Variants in B3GALT1 observed in about 807,000 individuals in gnomAD.
B3GALT1 encodes beta-1,3-galactosyltransferase 1, also known as UDP-Gal:betaGlcNAc beta 1,3-galactosyltransferase, polypeptide 1.
In B3GALT1, 10 loss-of-function variants were observed where a neutral mutation model predicts 23.2. That is an observed-to-expected ratio of 0.43 (90% CI 0.27 to 0.73). B3GALT1 has a LOEUF of 0.73. Among genes scored for constraint, B3GALT1 ranks in the 30% least tolerant of loss-of-function variants. The pLI is 0.21. For synonymous variants in B3GALT1, 156 were observed against 141.5 expected, an observed-to-expected ratio of 1.10 and a Z score of -0.73; for missense variants, 299 against 405.4, an observed-to-expected ratio of 0.74 and a Z score of 2.25.
At chr2:167,788,062 G>A (rs1688372109) in intron 3 of B3GALT1, among the ~76,000 whole-genome samples, 1 of 152,236 alleles carries the variant, frequency 6.6e-6, no homozygotes, top group South Asian at 2.1e-4. Flanking sequence ...CAGAGAGTAG[G>A]GTATACTGGA....
intron 1 of B3GALT1, among the ~76,000 whole-genome samples, chr2:167,313,762 CACA>C (rs1379184599): frequency 6.6e-6 from 1 of 152,150 alleles, no homozygotes; most frequent in Non-Finnish European, 1.5e-5. Context: ...CTGACAGATG[CACA>C]ACAAGCTAGT....
At chr2:167,625,349 A>G (rs946526312) in intron 2 of B3GALT1, among the ~76,000 whole-genome samples, 1 of 151,878 alleles carries the variant, frequency 6.6e-6, no homozygotes, top group Non-Finnish European at 1.5e-5. Flanking sequence ...CCAGTTCAGT[A>G]CTTTGATAAC....
At chr2:167,780,592 A>G (rs941976676) in intron 3 of B3GALT1, among the ~76,000 whole-genome samples, 8 of 152,144 alleles carry the variant, frequency 5.3e-5, no homozygotes, top group African/African-American at 1.9e-4. Flanking sequence ...TGCACACTTT[A>G]TTGGTAAAGC....
chr2:167,652,576 A>C (rs890790370), intron 3 of B3GALT1, among the ~76,000 whole-genome samples: 1 of 152,210 alleles, frequency 6.6e-6, no homozygotes, highest in Admixed American at 6.5e-5. Flanking sequence ...TTTTGTGGTT[A>C]AGAGTCTGGT....
chr2:167,513,741 G>A (rs1436557379), intron 2 of B3GALT1, among the ~76,000 whole-genome samples: 1 of 151,954 alleles, frequency 6.6e-6, no homozygotes, highest in Admixed American at 6.6e-5. Context: ...TTTTGTGTAT[G>A]TTGAAAACAC....
chr2:167,384,477 G>GA (rs1697890126), intron 1 of B3GALT1, among the ~76,000 whole-genome samples: 1 of 152,082 alleles, frequency 6.6e-6, no homozygotes, highest in Non-Finnish European at 1.5e-5. Context: ...ACCCCTTCCT[G>GA]ATCCCCATCC....
At chr2:167,563,277 G>T (rs1310516338) in intron 2 of B3GALT1, among the ~76,000 whole-genome samples, 1 of 145,468 alleles carries the variant, frequency 6.9e-6, no homozygotes, top group Non-Finnish European at 1.5e-5. Flanking sequence ...CCGGGCAGAG[G>T]GGCTCCTCAC....
intron 1 of B3GALT1, among the ~76,000 whole-genome samples, chr2:167,342,543 CTG>C (rs1697165788): frequency 6.6e-6 from 1 of 150,724 alleles, no homozygotes; most frequent in African/African-American, 2.4e-5. Context: ...TGAACTGAGA[CTG>C]TGCCACTGCA....
At chr2:167,794,398 T>C (rs1688504536) in intron 3 of B3GALT1, among the ~76,000 whole-genome samples, 1 of 152,236 alleles carries the variant, frequency 6.6e-6, no homozygotes, top group Non-Finnish European at 1.5e-5. Flanking sequence ...TTCTTTCTGT[T>C]GATTTACTGT....
chr2:167,409,870 G>T (rs769079230), intron 1 of B3GALT1, among the ~76,000 whole-genome samples: 1 of 151,878 alleles, frequency 6.6e-6, no homozygotes, highest in Non-Finnish European at 1.5e-5. Context: ...ACAGTGTGGC[G>T]ATTTCTCAAG....
intron 2 of B3GALT1, among the ~76,000 whole-genome samples, chr2:167,500,135 A>T (rs950516284): frequency 1.3e-5 from 2 of 152,120 alleles, no homozygotes; most frequent in Non-Finnish European, 2.9e-5. Context: ...CACAGGAACA[A>T]TTTCCTAGTC....
At chr2:167,303,682 C>CACACACACACACACACACACAGAGAGAG (rs535369991) in intron 1 of B3GALT1, among the ~76,000 whole-genome samples, 3 of 148,832 alleles carry the variant, frequency 2.0e-5, no homozygotes, top group African/African-American at 7.5e-5. Flanking sequence ...CACACACACA[C>CACACACACACACACACACACAGAGAGAG]AGAGAGAGAC....
intron 3 of B3GALT1, among the ~76,000 whole-genome samples, chr2:167,650,971 AT>A (rs1685852878): frequency 6.6e-6 from 1 of 152,126 alleles, no homozygotes; most frequent in Admixed American, 6.6e-5. Context: ...CTCCTTAATT[AT>A]GTGTTCCCCA....
chr2:167,380,369 A>G (rs1355023377), intron 1 of B3GALT1, among the ~76,000 whole-genome samples: 12 of 152,104 alleles, frequency 7.9e-5, no homozygotes, highest in Non-Finnish European at 1.8e-4. Flanking sequence ...GGCCCTCACT[A>G]AAAGTCTCAT....
chr2:167,345,140 GAATGATTGTCTCT>G (rs1697208660), intron 1 of B3GALT1, among the ~76,000 whole-genome samples: 1 of 152,144 alleles, frequency 6.6e-6, no homozygotes, highest in Non-Finnish European at 1.5e-5. Context: ...TTTGAATCAA[GAATGATTGTCTCT>G]GAGGAATGCA....
At chr2:167,476,430 G>A (rs1699487508) in intron 1 of B3GALT1, among the ~76,000 whole-genome samples, 1 of 152,134 alleles carries the variant, frequency 6.6e-6, no homozygotes, top group Non-Finnish European at 1.5e-5. Context: ...GCAGCCTCAA[G>A]TCACATTTCA....
At chr2:167,390,117 C>G (rs1697997490) in intron 1 of B3GALT1, among the ~76,000 whole-genome samples, 1 of 152,074 alleles carries the variant, frequency 6.6e-6, no homozygotes, top group Non-Finnish European at 1.5e-5. Context: ...GAACCCTTCA[C>G]TGCACTCTAT....
chr2:167,708,983 T>C (rs771569660), intron 3 of B3GALT1, among the ~76,000 whole-genome samples: 5 of 152,260 alleles, frequency 3.3e-5, no homozygotes, highest in Non-Finnish European at 5.9e-5. Flanking sequence ...AATATTTATG[T>C]AACTTTGATA....
intron 3 of B3GALT1, among the ~76,000 whole-genome samples, chr2:167,647,948 A>G (rs952297766): frequency 3.3e-5 from 5 of 152,110 alleles, no homozygotes; most frequent in African/African-American, 1.2e-4. Flanking sequence ...TCGCTCTTTA[A>G]GTTATTCTAA....
Sources: gnomAD v4.1 joint callset for allele counts (sites outside exome capture counted in the v4.1 genomes callset) on GRCh38, gnomAD v4.1.1 for gene constraint, MANE v1.5 for transcripts, NCBI Gene and HGNC (gene_info 2026-07-23, HGNC 2026-07-21) for gene names.